The following CPNE4 variants were observed in gnomAD, a reference collection of about 807,000 sequenced individuals.
The protein encoded by CPNE4 is copine 4, also known as copine-4.
A neutral mutation model predicts 67.9 loss-of-function variants in CPNE4; 25 were observed. The ratio of observed to expected loss-of-function variants is 0.37; its 90% CI spans 0.27 to 0.51. The LOEUF (loss-of-function observed/expected upper bound fraction) is 0.51. Among genes scored for constraint, CPNE4 ranks in the 20% least tolerant of loss-of-function variants. CPNE4 has a pLI of 0.93. For missense variants in CPNE4, 464 were observed against 690.8 expected (o/e 0.67, Z 3.68); for synonymous variants, 242 against 244.9 (o/e 0.99, Z 0.11).
chr3:132,008,861 A>G (rs1200817661), intron 1 of CPNE4, among the ~76,000 whole-genome samples: 1 of 152,224 alleles, frequency 6.6e-6, no homozygotes, highest in Admixed American at 6.5e-5. Context: ...ATAAAAATTC[A>G]CAGGCAGTCC....
chr3:131,699,733 T>C (rs1435893246), intron 4 of CPNE4, among the ~76,000 whole-genome samples, 176 bp downstream of exon 4: 1 of 152,226 alleles, frequency 6.6e-6, no homozygotes, highest in Non-Finnish European at 1.5e-5. Context: ...AGGATCAAAA[T>C]TGTATTGTCA....
At chr3:132,026,089 A>G (rs375763734) in intron 1 of CPNE4, among the ~76,000 whole-genome samples, 3 of 152,380 alleles carry the variant, frequency 2.0e-5, no homozygotes, top group East Asian at 3.9e-4. Context: ...GATAAAGTCA[A>G]TAATCAAAAT....
upstream of CPNE4, among the ~76,000 whole-genome samples, chr3:132,036,608 T>G (rs1246280127): frequency 6.6e-6 from 1 of 152,240 alleles, no homozygotes; most frequent in African/African-American, 2.4e-5. Context: ...TGAATTGGAT[T>G]GAACTTGCAA....
intron 7 of CPNE4, among the ~76,000 whole-genome samples, chr3:131,665,815 G>A (rs1045507177): frequency 4.6e-5 from 7 of 151,954 alleles, no homozygotes; most frequent in African/African-American, 1.2e-4. Flanking sequence ...GGTTCTAAGA[G>A]GTACATAGAA....
At chr3:131,794,511 G>A (rs970612121) in intron 2 of CPNE4, among the ~76,000 whole-genome samples, 3 of 152,156 alleles carry the variant, frequency 2.0e-5, no homozygotes, top group African/African-American at 7.2e-5. Flanking sequence ...CCAAAGTGCT[G>A]GGATTACTGG....
intron 2 of CPNE4, among the ~76,000 whole-genome samples, chr3:131,816,916 A>G (rs1322965416): frequency 6.6e-6 from 1 of 152,176 alleles, no homozygotes; most frequent in Non-Finnish European, 1.5e-5. Context: ...CATACAGTAA[A>G]CTGCACCCAC....
chr3:131,923,704 C>CAAAAAAAAAAAAAAAAAA lies in CPNE4; in HGVS notation c.-1-18278_-1-18261dup, dbSNP rs3041574. 7.6e-5 allele frequency among the ~76,000 whole-genome samples: 3 copies of CAAAAAAAAAAAAAAAAAA among 39,288 alleles called. 1 individual carries two copies. Among genetic ancestry groups the CAAAAAAAAAAAAAAAAAA allele is most frequent in the Non-Finnish European group, 1.2e-4 (3 of 24,688 alleles). 25.8% of individuals were successfully genotyped at this position (39,288 alleles called of 152,430 possible). A position where few individuals can be genotyped will look rare whatever the true frequency, so the allele number is the denominator to read the frequency against. The stretch of plus-strand genomic sequence containing the variant: ...TGGGTGACAGAGCTAGACTCCGTCT[C>CAAAAAAAAAAAAAAAAAA]AAAAAAAAAAAAAAAAAAAAAAAAA... On this transcript the variant is annotated intron_variant, in intron 1 of 15. Coordinates refer to ENST00000429747, the MANE Select transcript of CPNE4 (RefSeq NM_130808.3).
intron 12 of CPNE4, 32 bp from the exon 13 acceptor site, chr3:131,552,523 A>G: frequency 6.3e-7 from 1 of 1,586,492 alleles, no homozygotes; most frequent in Non-Finnish European, 8.6e-7. Flanking sequence ...AAAAACAGGA[A>G]GAAAGAAGAA....
At chr3:131,977,936 G>GT (rs1159835255) in intron 1 of CPNE4, among the ~76,000 whole-genome samples, 11 of 149,304 alleles carry the variant, frequency 7.4e-5, no homozygotes, top group Non-Finnish European at 1.6e-4. Context: ...ACGATGTTTG[G>GT]TTTTCCATTC....
At chr3:131,717,218 T>C (rs998964589) in intron 3 of CPNE4, among the ~76,000 whole-genome samples, 1 of 150,082 alleles carries the variant, frequency 6.7e-6, no homozygotes, top group Non-Finnish European at 1.5e-5. Context: ...TATTACTCCA[T>C]GTAAAAAACA....
chr3:131,763,310 A>G (rs960984320), intron 2 of CPNE4, among the ~76,000 whole-genome samples: 32 of 152,146 alleles, frequency 2.1e-4, no homozygotes, highest in African/African-American at 7.2e-4. Flanking sequence ...GCTGATCTGC[A>G]GTGTACCCTT....
intron 2 of CPNE4, among the ~76,000 whole-genome samples, chr3:131,882,723 AT>A (rs534737633): frequency 1.3e-3 from 171 of 136,126 alleles, no homozygotes; most frequent in South Asian, 1.4e-3. Context: ...GTTCTGCTCT[AT>A]TTTTTTTTTT....
intron 2 of CPNE4, among the ~76,000 whole-genome samples, chr3:131,886,262 G>A (rs963065117): frequency 3.3e-5 from 5 of 152,198 alleles, no homozygotes; most frequent in African/African-American, 1.2e-4. Flanking sequence ...TAGACAGTCT[G>A]TGGTGCAAGC....
intron 5 of CPNE4, among the ~76,000 whole-genome samples, chr3:131,694,902 A>G (rs1261269030): frequency 6.6e-6 from 1 of 152,220 alleles, no homozygotes; most frequent in Non-Finnish European, 1.5e-5. Flanking sequence ...ATCATTAGCT[A>G]TAACGGAATA....
chr3:131,831,293 A>G (rs1377020545), intron 2 of CPNE4, among the ~76,000 whole-genome samples: 2 of 152,148 alleles, frequency 1.3e-5, no homozygotes, highest in East Asian at 3.8e-4. Flanking sequence ...TATTTTAAGA[A>G]TTTCTAGCAT....
intron 7 of CPNE4, among the ~76,000 whole-genome samples, chr3:131,594,715 A>C (rs532698636): frequency 6.6e-6 from 1 of 152,368 alleles, no homozygotes; most frequent in African/African-American, 2.4e-5. Flanking sequence ...CATCAAACTA[A>C]AAAGCTTCGG....
chr3:131,814,300 A>G (rs2084645131), intron 2 of CPNE4, among the ~76,000 whole-genome samples: 1 of 152,146 alleles, frequency 6.6e-6, no homozygotes, highest in East Asian at 1.9e-4. Context: ...AATAAGGCTA[A>G]CAGAGCAGCC....
chr3:131,680,316 G>A (rs532679333), intron 6 of CPNE4, among the ~76,000 whole-genome samples: 50 of 146,232 alleles, frequency 3.4e-4, no homozygotes, highest in African/African-American at 1.2e-3. Context: ...GAGCCTATAT[G>A]TGTCAAGAGA....
chr3:131,575,145 A>G lies in CPNE4; in HGVS notation c.868-15T>C. ...ATCTTGTGAATCTGCATAGGAGGGG[A>G]GAGGAAACTGGGTTAATAACAGCAC... On this transcript the variant is annotated splice_polypyrimidine_tract_variant and intron_variant, in intron 9 of 15. Coordinates refer to ENST00000429747, the MANE Select transcript of CPNE4 (RefSeq NM_130808.3). 6.2e-7 allele frequency: 1 copy of G among 1,610,906 alleles called. No individual in the cohort carries two copies. Among genetic ancestry groups the G allele is most frequent in the Non-Finnish European group, 8.5e-7 (1 of 1,177,562 alleles).
Sources: allele counts gnomAD v4.1 joint callset (sites outside exome capture counted in the v4.1 genomes callset), GRCh38; gene constraint gnomAD v4.1.1; transcripts MANE v1.5; gene names NCBI Gene and HGNC (gene_info 2026-07-23, HGNC 2026-07-21).